The following TMC3 variants were observed in gnomAD, a reference collection of about 807,000 sequenced individuals.
The protein encoded by TMC3 is transmembrane channel like 3.
In TMC3, 98 loss-of-function variants were observed where a neutral mutation model predicts 110.6. That is an observed-to-expected ratio of 0.89 (90% confidence interval 0.75 to 1.05). The LOEUF (loss-of-function observed/expected upper bound fraction) is 1.05, where lower values mean the gene tolerates loss of function less well. TMC3 is among the 50% of genes least tolerant of loss of function. TMC3 has a pLI of 0.00. For missense variants in TMC3, 1,319 were observed against 1,373.2 expected (o/e 0.96, Z 0.62); for synonymous variants, 489 against 513.1 (o/e 0.95, Z 0.63).
At chr15:81,344,457 T>C (rs1893781131) in intron 13 of TMC3, among the ~76,000 whole-genome samples, 2 of 152,284 alleles carry the variant, frequency 1.3e-5, no homozygotes, top group Non-Finnish European at 2.9e-5. Flanking sequence ...CATTCTGCTC[T>C]TTACTATCTG....
intron 14 of TMC3, among the ~76,000 whole-genome samples, chr15:81,343,641 C>T (rs34660242): frequency 0.14 from 21,651 of 151,638 alleles, 2,067 homozygotes; most frequent in South Asian, 0.4. Context: ...ATTTTTAAAA[C>T]TAGCTGGGCA....
chr15:81,361,992 G>A, intron 4 of TMC3: 2 of 390,646 alleles, frequency 5.1e-6, no homozygotes, highest in South Asian at 3.0e-5. Flanking sequence ...CAGCAGAGCC[G>A]CAGCGGAATG....
At chr15:81,337,650 A>C (rs1022954275) in intron 19 of TMC3, 196 bp downstream of exon 19, 2 of 627,752 alleles carry the variant, frequency 3.2e-6, no homozygotes, top group Admixed American at 4.8e-5. Flanking sequence ...GCTTCCTCCT[A>C]GCAAAGGGGA....
chr15:81,361,373 A>G (rs1207135959), intron 4 of TMC3, among the ~76,000 whole-genome samples: 2 of 152,168 alleles, frequency 1.3e-5, no homozygotes, highest in Non-Finnish European at 2.9e-5. Flanking sequence ...TTGCATGCTA[A>G]AAGTCTAAGT....
intron 7 of TMC3, among the ~76,000 whole-genome samples, chr15:81,357,092 A>G (rs984017254): frequency 7.9e-5 from 12 of 152,002 alleles, no homozygotes; most frequent in African/African-American, 2.9e-4. Context: ...CCTACTTTTT[A>G]GAGCCTTTCT....
At position 81,332,407 on chromosome 15, in the gene TMC3, A is replaced by G; in HGVS notation, c.*12T>C. On this transcript the variant is annotated 3_prime_UTR_variant, in exon 22 of 22. Transcript: ENST00000359440. ...GGGGCCTGACCTCTAGGAACGGGAC[A>G]CTGGAGGAAGCCTAGACATCTGAAC... 2 of 1,586,236 alleles carry G rather than the reference A, an allele frequency of 1.3e-6. No homozygotes were observed. The highest frequency in any genetic ancestry group is 1.7e-6 in the Non-Finnish European group (2 of 1,163,656).
At chr15:81,349,854 C>T (rs148092220) in intron 10 of TMC3, among the ~76,000 whole-genome samples, 1 of 150,326 alleles carries the variant, frequency 6.7e-6, no homozygotes, top group African/African-American at 2.5e-5. Flanking sequence ...TGGCTCACAC[C>T]TGTAATCCCA....
intron 10 of TMC3, among the ~76,000 whole-genome samples, chr15:81,351,386 G>T (rs28556997): frequency 0.44 from 61,352 of 140,598 alleles, 15,727 homozygotes; most frequent in African/African-American, 0.74. Flanking sequence ...AGAGTCTCGC[G>T]CTGTTGCTCA....
At chr15:81,372,526 C>T in intron 2 of TMC3, 65 bp downstream of exon 2, 5 of 1,599,408 alleles carry the variant, frequency 3.1e-6, no homozygotes, top group Middle Eastern at 2.2e-4. Context: ...TTCCCATGGG[C>T]AAGGCAAGGT....
chr15:81,362,096 G>A, intron 4 of TMC3, 124 bp downstream of exon 4: 1 of 745,502 alleles, frequency 1.3e-6, no homozygotes, highest in Non-Finnish European at 2.2e-6. Flanking sequence ...GGAGGCCAGT[G>A]ACTCTGCTAT....
At chr15:81,369,511 T>G (rs1894388870) in intron 2 of TMC3, among the ~76,000 whole-genome samples, 1 of 152,216 alleles carries the variant, frequency 6.6e-6, no homozygotes, top group Non-Finnish European at 1.5e-5. Context: ...AAAAGCCTAT[T>G]GAAGTCAAAT....
At chr15:81,354,013 C>A (rs911429847) in intron 9 of TMC3, among the ~76,000 whole-genome samples, 2 of 152,332 alleles carry the variant, frequency 1.3e-5, no homozygotes, top group Middle Eastern at 3.4e-3. Context: ...TCATATGCCT[C>A]TGATAGTGAG....
chr15:81,348,696 C>T (rs955701713), intron 11 of TMC3, among the ~76,000 whole-genome samples: 5 of 152,182 alleles, frequency 3.3e-5, no homozygotes, highest in South Asian at 2.1e-4. Flanking sequence ...GTTCTTCTTG[C>T]GTCTGGAAAA....
chr15:81,367,534 A>G (rs1386921601), intron 3 of TMC3, among the ~76,000 whole-genome samples: 1 of 152,240 alleles, frequency 6.6e-6, no homozygotes, highest in African/African-American at 2.4e-5. Context: ...CTGAATGGGA[A>G]AAATAACAAA....
rs1319181775 is a variant in TMC3, at chr15:81,331,182, C to G, written c.*1237G>C. ...GAGCCCTGGATAAAGAAAGCAGCCACCTTTTAAGCAGTCGGTGGCCGGGAG... is the reference window on the plus strand; with the variant it reads ...GAGCCCTGGATAAAGAAAGCAGCCAGCTTTTAAGCAGTCGGTGGCCGGGAG... On this transcript the variant is annotated 3_prime_UTR_variant, in exon 22 of 22. Transcript: ENST00000359440. 1 of 152,250 alleles carries G rather than the reference C, an allele frequency of 6.6e-6. No individual in the cohort carries two copies. 9.4% of individuals were successfully genotyped at this position (152,250 alleles called of 1,614,324 possible).
At chr15:81,351,928 A>C (rs1893961052) in intron 9 of TMC3, 87 bp from the exon 10 acceptor site, 1 of 1,461,458 alleles carries the variant, frequency 6.8e-7, no homozygotes, top group African/African-American at 1.4e-5. Flanking sequence ...GGGGACTGGA[A>C]CACATCCATT....
At position 81,356,575 on chromosome 15, in the gene TMC3, T is replaced by C. The variant is rs1894067658; in HGVS notation, c.763A>G (p.Thr255Ala). ...LLKKMAKNSR[T>A]SLASASNENY... is the part of the protein sequence containing the mutation. ...TCATTGGAAGCACTGGCAAGACTCG[T>C]GCGGGAGTTCTTAGCCATCCTGCAA... Residue 255 changes from threonine to alanine, a missense_variant, in exon 8 of 22, where the codon ACG (threonine) becomes GCG (alanine). By Grantham distance (58) the Thr-to-Ala change is moderately conservative. Coordinates refer to ENST00000359440, the MANE Select transcript of TMC3 (RefSeq NM_001080532.3). 6.3e-7 allele frequency: 1 copy of C among 1,588,250 alleles called. No homozygotes were observed. The highest frequency in any genetic ancestry group is 8.6e-7 in the Non-Finnish European group (1 of 1,167,192).
intron 3 of TMC3, among the ~76,000 whole-genome samples, chr15:81,364,058 T>C (rs186740700): frequency 6.6e-6 from 1 of 152,306 alleles, no homozygotes; most frequent in East Asian, 1.9e-4. Flanking sequence ...AGAAGTAAGA[T>C]TTGATTAGTG....
chr15:81,345,454 T>G (rs1893806557), intron 12 of TMC3, among the ~76,000 whole-genome samples: 1 of 152,164 alleles, frequency 6.6e-6, no homozygotes, highest in African/African-American at 2.4e-5. Context: ...CTCGTCTGCC[T>G]ATAGGCCTTG....
Sources: gnomAD v4.1 joint callset for allele counts (sites outside exome capture counted in the v4.1 genomes callset) on GRCh38, gnomAD v4.1.1 for gene constraint, MANE v1.5 for transcripts, NCBI Gene and HGNC (gene_info 2026-07-23, HGNC 2026-07-21) for gene names.